ADAMTS4: variants seen among roughly 807,000 people sequenced by gnomAD.
ADAMTS4 encodes the protein ADAM metallopeptidase with thrombospondin type 1 motif 4.
In ADAMTS4, 38 loss-of-function variants were observed where a neutral mutation model predicts 66.7. The observed-to-expected ratio is 0.57, with a 90% CI of 0.44 to 0.75. ADAMTS4 has a LOEUF of 0.75. Among genes scored for constraint, ADAMTS4 ranks in the 30% least tolerant of loss-of-function variants. The pLI is 0.00. For synonymous variants in ADAMTS4, 418 were observed against 461.5 expected (o/e 0.91, Z 1.21); for missense variants, 1,014 against 1,116.7 (o/e 0.91, Z 1.31).
chr1:161,193,562 C>G lies in ADAMTS4; in HGVS notation c.1735+78G>C, dbSNP rs986024074. On this transcript the variant is annotated intron_variant, in intron 6 of 8. Coordinates refer to ENST00000367996, the MANE Select transcript of ADAMTS4 (RefSeq NM_005099.6). The surrounding 1 kb of genome is among the most constrained non-coding windows in gnomAD (Gnocchi z 4.4). Reference sequence around the variant, plus strand: ...ACAGCAGCAGGGGAATCAACACCCCCTTGGTCTTGCACTCAAGGGACAGTC... The same window carrying G: ...ACAGCAGCAGGGGAATCAACACCCCGTTGGTCTTGCACTCAAGGGACAGTC... 1 of 1,540,192 alleles carries G rather than the reference C, an allele frequency of 6.5e-7. No individual in the cohort carries two copies. The highest frequency in any genetic ancestry group is 2.3e-5 in the East Asian group (1 of 44,366).
intron 1 of ADAMTS4, 158 bp from the exon 2 acceptor site, chr1:161,197,038 G>A (rs975375175): frequency 2.9e-6 from 2 of 678,910 alleles, no homozygotes; most frequent in African/African-American, 3.6e-5. Flanking sequence ...GTCTTGGTTG[G>A]GCCCTTCCCC....
intron 7 of ADAMTS4, 133 bp from the exon 8 acceptor site, chr1:161,192,373 G>GGTGA: frequency 1.4e-6 from 1 of 692,494 alleles, no homozygotes; most frequent in Middle Eastern, 3.2e-4. Flanking sequence ...GATGTAGATG[G>GGTGA]GTGAGTGCCG....
At position 161,188,085 on chromosome 1, in the gene ADAMTS4, G is replaced by A. The variant is rs1350851044; in HGVS notation, c.*3053C>T. ...CTGCCTCAGCCTCATGAGTAGCTGG[G>A]ACTATAGGCGCTTGCCACCACACCT... On this transcript the variant is annotated 3_prime_UTR_variant, in exon 9 of 9. Transcript: ENST00000367996. 1 of 151,144 alleles carries A rather than the reference G, an allele frequency of 6.6e-6. No homozygotes were observed. The highest frequency in any genetic ancestry group is 2.4e-5 in the African/African-American group (1 of 41,054). 9.4% of individuals were successfully genotyped at this position (151,144 alleles called of 1,614,324 possible).
rs754121205 is a variant in ADAMTS4 at position 161,196,589 on chromosome 1, G to T, written c.925C>A (p.His309Asn). 1 of 1,614,220 alleles carries T rather than the reference G, an allele frequency of 6.2e-7. No homozygotes were observed. The highest frequency in any genetic ancestry group is 8.5e-7 in the Non-Finnish European group (1 of 1,180,038). ...LNTPEDSDPD[H>N]FDTAILFTRQ... is the part of the protein sequence containing the mutation. ...GTAAACAGAATGGCTGTGTCAAAGT[G>T]GTCAGGGTCCGAGTCCTCAGGGGTG... Residue 309 changes from histidine (H) to asparagine (N), a missense_variant, in exon 2 of 9, where the codon CAC becomes AAC. Physicochemically the swap from His to Asn is moderately conservative, Grantham distance 68 (BLOSUM62 1). Coordinates refer to ENST00000367996, the MANE Select transcript of ADAMTS4 (RefSeq NM_005099.6).
At chr1:161,196,372 A>AT in intron 2 of ADAMTS4, 69 bp from the exon 3 acceptor site, 1 of 1,543,422 alleles carries the variant, frequency 6.5e-7, no homozygotes, top group Non-Finnish European at 8.8e-7. Context: ...TGAGATCCAG[A>AT]TTCCCGGGGA....
At position 161,196,317 on chromosome 1, in the gene ADAMTS4, T is replaced by C. The variant is rs1664835296; in HGVS notation, c.958-14A>G. ...TCCACACAGGTCCTGTGGAGAGGGATCATAGAAGGTGCATAGACAGCCAAG... is the reference window on the plus strand; with the variant it reads ...TCCACACAGGTCCTGTGGAGAGGGACCATAGAAGGTGCATAGACAGCCAAG... On this transcript the variant is annotated splice_polypyrimidine_tract_variant and intron_variant, in intron 2 of 8. Coordinates refer to ENST00000367996, the MANE Select transcript of ADAMTS4 (RefSeq NM_005099.6). 2.5e-6 allele frequency: 4 copies of C among 1,597,284 alleles called. No homozygotes were observed. Among genetic ancestry groups the C allele is most frequent in the Non-Finnish European group, 2.6e-6 (3 of 1,171,704 alleles).
rs779637375 is a variant in ADAMTS4 at position 161,191,056 on chromosome 1, T to A, written c.*82A>T. ...AGCCCCTCCCCACTGAGTCTTAGCA[T>A]GAGGCAGCAACAGAAGCTCTCTCTT... is the stretch of plus-strand genomic sequence containing the variant. On this transcript the variant is annotated 3_prime_UTR_variant, in exon 9 of 9. Coordinates refer to ENST00000367996, the MANE Select transcript of ADAMTS4 (RefSeq NM_005099.6). 7.0e-5 allele frequency: 101 copies of A among 1,445,872 alleles called. No homozygotes were observed. The highest frequency in any genetic ancestry group is 9.0e-5 in the Non-Finnish European group (98 of 1,084,580). 89.6% of individuals were successfully genotyped at this position (1,445,872 alleles called of 1,614,324 possible). A position where few individuals can be genotyped will look rare whatever the true frequency, so the allele number is the denominator to read the frequency against.
chr1:161,191,094 G>A lies in ADAMTS4; in HGVS notation c.*44C>T. ...GAAGCTCTCTCTTTCTCCCAGCTAA[G>A]TCCGAGGCCCCGGTGCCCAGAAAGG... On this transcript the variant is annotated 3_prime_UTR_variant, in exon 9 of 9. Coordinates refer to ENST00000367996, the MANE Select transcript of ADAMTS4 (RefSeq NM_005099.6). 4 of 1,509,064 alleles carry A rather than the reference G, an allele frequency of 2.7e-6. No individual in the cohort carries two copies. Among genetic ancestry groups the A allele is most frequent in the Non-Finnish European group, 3.5e-6 (4 of 1,130,684 alleles). The allele number at this position is 1,509,064 out of a possible 1,614,324, so 93.5% of individuals were successfully genotyped here.
intron 3 of ADAMTS4, 116 bp from the exon 4 acceptor site, chr1:161,195,751 G>T: frequency 9.8e-7 from 1 of 1,017,524 alleles, no homozygotes; most frequent in Non-Finnish European, 1.4e-6. Context: ...ACCTCACCCT[G>T]CCCCCAGTCC....
Position 161,194,301 on chromosome 1 carries a change from C to T in ADAMTS4, c.1262-80G>A, listed in dbSNP as rs1288511260. On this transcript the variant is annotated intron_variant, in intron 4 of 8. Transcript: ENST00000367996. This position sits in a 1 kb window ranked among gnomAD's most constrained non-coding sequence, Gnocchi z 4.1. ...ATTGCCAGCAGAAAGCTTAGGCTCC[C>T]TGGGGCCTGATGGAGCCTAGAAAAA... is the stretch of plus-strand genomic sequence containing the variant. The T allele has an allele frequency of 4.3e-6, 6 of 1,387,602 alleles. No homozygotes were observed. Among genetic ancestry groups the T allele is most frequent in the Non-Finnish European group, 3.0e-6 (3 of 1,004,920 alleles). The allele number at this position is 1,387,602 out of a possible 1,614,324, so 86.0% of individuals were successfully genotyped here.
Position 161,184,449 on chromosome 1 carries a change from C to T in ADAMTS4, c.*6689G>A, listed in dbSNP as rs1405645019. 1 of 152,138 alleles carries T rather than the reference C, an allele frequency of 6.6e-6. No homozygotes were observed. Among genetic ancestry groups the T allele is most frequent in the Non-Finnish European group, 1.5e-5 (1 of 68,028 alleles). The allele number at this position is 152,138 out of a possible 1,614,324, so 9.4% of individuals were successfully genotyped here. A position where few individuals can be genotyped will look rare whatever the true frequency, so the allele number is the denominator to read the frequency against. On this transcript the variant is annotated 3_prime_UTR_variant, in exon 9 of 9. Coordinates refer to ENST00000367996, the MANE Select transcript of ADAMTS4 (RefSeq NM_005099.6). ...TTGTAGGTAAGGAAACTGAGGTTTACAGAGATCAAGTAATTAAGGTTGCAT... is the reference window on the plus strand; with the variant it reads ...TTGTAGGTAAGGAAACTGAGGTTTATAGAGATCAAGTAATTAAGGTTGCAT...
rs1571571156 is a variant in ADAMTS4 at position 161,185,048 on chromosome 1, A to G, written c.*6090T>C. 1 of 38,140 alleles carries G rather than the reference A, an allele frequency of 2.6e-5. No homozygotes were observed. The highest frequency in any genetic ancestry group is 1.1e-4 in the African/African-American group (1 of 8,806). 2.4% of individuals were successfully genotyped at this position (38,140 alleles called of 1,614,324 possible). A position where few individuals can be genotyped will look rare whatever the true frequency, so the allele number is the denominator to read the frequency against. On this transcript the variant is annotated 3_prime_UTR_variant, in exon 9 of 9. Coordinates refer to ENST00000367996, the MANE Select transcript of ADAMTS4 (RefSeq NM_005099.6). ...GAAAAAAAAGAAGAAAAAGAAAGGC[A>G]GGGGGGGAGGGGGGAGGGATAGCAT...
Position 161,192,245 on chromosome 1 carries a change from G to A in ADAMTS4, c.1912-5C>T. On this transcript the variant is annotated splice_region_variant and splice_polypyrimidine_tract_variant and intron_variant, in intron 7 of 8. Coordinates refer to ENST00000367996, the MANE Select transcript of ADAMTS4 (RefSeq NM_005099.6). The stretch of plus-strand genomic sequence containing the variant: ...ACAGGGGGTCCCATCTACCACCTGA[G>A]GAAAAGAGAAAGAACAATGCTGAAG... 6.2e-7 allele frequency: 1 copy of A among 1,612,544 alleles called. No homozygotes were observed. Among genetic ancestry groups the A allele is most frequent in the Non-Finnish European group, 8.5e-7 (1 of 1,178,954 alleles).
In ADAMTS4 at chr1:161,198,267, C is replaced by T; in HGVS notation, c.361G>A (p.Gly121Arg). 4 of 1,613,998 alleles carry T rather than the reference C, an allele frequency of 2.5e-6. No homozygotes were observed. The highest frequency in any genetic ancestry group is 3.4e-6 in the Non-Finnish European group (4 of 1,180,020). The change falls in exon 1 of 9, where the codon GGA becomes AGA. Residue 121 changes from glycine to arginine, a missense_variant. Physicochemically the swap from Gly to Arg is moderately radical, Grantham distance 125 (BLOSUM62 -2). Transcript: ENST00000367996. The surrounding 1 kb of genome is among the most constrained non-coding windows in gnomAD (Gnocchi z 4.7). ...GTCAGGTAGGTGCCAGGCTCTGCTC[C>T]ACCCAGCAGCTCAGGCGCCTGGCCC... ...YLGQAPELLGGAEPGTYLTGT... is the reference protein window; with the variant it reads ...YLGQAPELLGRAEPGTYLTGT...
chr1:161,196,255 C>CAGA lies in ADAMTS4; in HGVS notation c.1005_1006insTCT (p.Val335_Gly336insSer). ...CTCCGAGCCGGGTCACAGACGGTGC[C>CAGA]CACATCAGCCATACCCAGCGTGTCG... On this transcript the variant is annotated inframe_insertion, in exon 3 of 9. Transcript: ENST00000367996. 6.2e-7 allele frequency: 1 copy of CAGA among 1,613,778 alleles called. No individual in the cohort carries two copies. Among genetic ancestry groups the CAGA allele is most frequent in the Non-Finnish European group, 8.5e-7 (1 of 1,179,864 alleles).
rs1274401535 is a variant in ADAMTS4 at position 161,188,463 on chromosome 1, C to T, written c.*2675G>A. 6.7e-6 allele frequency: 1 copy of T among 149,164 alleles called. No homozygotes were observed. Among genetic ancestry groups the T allele is most frequent in the African/African-American group, 2.5e-5 (1 of 40,292 alleles). 9.2% of individuals were successfully genotyped at this position (149,164 alleles called of 1,614,324 possible). ...CTTTCTATGTTGCCCAGGTTGGTCCCAACCTCCTGGCCTCAAGCAATCCTC... is the reference window on the plus strand; with the variant it reads ...CTTTCTATGTTGCCCAGGTTGGTCCTAACCTCCTGGCCTCAAGCAATCCTC... On this transcript the variant is annotated 3_prime_UTR_variant, in exon 9 of 9. Transcript: ENST00000367996.
In ADAMTS4 at chr1:161,193,759, C is replaced by T. The variant is rs772202883; in HGVS notation, c.1616G>A (p.Gly539Asp). ...WGDCSRTCGGGVQFSSRDCTR... is the reference protein window; with the variant it reads ...WGDCSRTCGGDVQFSSRDCTR... ...GCAGTCTCGGGAGGAGAACTGGACA[C>T]CACCCCCACAGGTCCGAGAGCAGTC... Residue 539 changes from glycine (G) to aspartate (D), a missense_variant, in exon 6 of 9, where the codon GGT becomes GAT. Gly to Asp is a moderately conservative substitution (Grantham distance 94). Transcript: ENST00000367996. This position sits in a 1 kb window ranked among gnomAD's most constrained non-coding sequence, Gnocchi z 4.4. 5 of 1,614,086 alleles carry T rather than the reference C, an allele frequency of 3.1e-6. No individual in the cohort carries two copies. In the South Asian group the frequency reaches 5.5e-5, roughly 18 times the overall value.
Position 161,193,288 on chromosome 1 carries a change from G to A in ADAMTS4, c.1836C>T (p.Gly612=), listed in dbSNP as rs754697059. 115 of 1,613,934 alleles carry A rather than the reference G, an allele frequency of 7.1e-5. No homozygotes were observed. Among genetic ancestry groups the A allele is most frequent in the Non-Finnish European group, 9.6e-5 (113 of 1,180,010 alleles). The change falls in exon 7 of 9, where the codon GGC becomes GGT. Residue 612 remains glycine, a synonymous_variant. Coordinates refer to ENST00000367996, the MANE Select transcript of ADAMTS4 (RefSeq NM_005099.6). This position sits in a 1 kb window ranked among gnomAD's most constrained non-coding sequence, Gnocchi z 4.4. ...GPMDWVPRYT[G]VAPQDQCKLT... is the part of the protein sequence containing the mutation. ...GTTTGCACTGGTCCTGGGGGGCCAC[G>A]CCTGTGTAGCGAGGAACCCAGTCCA...
In ADAMTS4 at chr1:161,191,159, G is replaced by GCGC. The variant is rs1379198637; in HGVS notation, c.2490_2492dup (p.Arg831dup). 6.4e-7 allele frequency: 1 copy of GCGC among 1,561,506 alleles called. No homozygotes were observed. Among genetic ancestry groups the GCGC allele is most frequent in the Non-Finnish European group, 8.7e-7 (1 of 1,148,206 alleles). On this transcript the variant is annotated inframe_insertion, in exon 9 of 9. Transcript: ENST00000367996. ...GAGGTTATTTCCTGCCCGCCCAGGG[G>GCGC]CGCCGCCGAAGGATCTCCAGAATCT... is the stretch of plus-strand genomic sequence containing the variant.
Sources: allele counts gnomAD v4.1 joint callset, GRCh38; gene constraint gnomAD v4.1.1; non-coding constraint Gnocchi (gnomAD v3.1); transcripts MANE v1.5; gene names NCBI Gene and HGNC (gene_info 2026-07-23, HGNC 2026-07-21).